DNAH11: variants seen among roughly 807,000 people sequenced by gnomAD.
DNAH11 encodes dynein axonemal heavy chain 11, also known as axonemal beta dynein heavy chain 11.
Under a neutral mutation model 526.0 loss-of-function variants are expected in DNAH11, and 442 were observed. The ratio of observed to expected loss-of-function variants is 0.84; its 90% CI spans 0.78 to 0.91. The LOEUF is 0.91. Ranked by LOEUF, DNAH11 falls within the 40% of genes least tolerant of loss-of-function variation. The pLI, the probability that DNAH11 is intolerant of heterozygous loss-of-function variation, is 0.00. For missense variants in DNAH11, 6,989 were observed against 5,448.7 expected, an observed-to-expected ratio of 1.28 and a Z score of -8.90; for synonymous variants, 2,461 against 1,935.9, an observed-to-expected ratio of 1.27 and a Z score of -7.12.
intron 74 of DNAH11, among the ~76,000 whole-genome samples, chr7:21,876,991 C>T (rs1378504192): frequency 6.6e-6 from 1 of 152,204 alleles, no homozygotes; most frequent in Non-Finnish European, 1.5e-5. Context: ...TGTCCTTTCC[C>T]ACATCTCCTT....
At chr7:21,805,044 G>A (rs576672712) in intron 62 of DNAH11, among the ~76,000 whole-genome samples, 57 of 152,166 alleles carry the variant, frequency 3.7e-4, no homozygotes, top group Admixed American at 6.5e-4. Flanking sequence ...GCCTTTCCCA[G>A]GCAGTCACAT....
At chr7:21,611,708 G>A (rs1480420815) in intron 20 of DNAH11, among the ~76,000 whole-genome samples, 2 of 152,192 alleles carry the variant, frequency 1.3e-5, no homozygotes, top group Non-Finnish European at 2.9e-5. Context: ...ATTAGGCTAA[G>A]AGCATACTTC....
At chr7:21,660,790 T>C (rs530008040) in intron 30 of DNAH11, among the ~76,000 whole-genome samples, 2 of 152,226 alleles carry the variant, frequency 1.3e-5, no homozygotes, top group Admixed American at 6.5e-5. Flanking sequence ...TATGTATCTG[T>C]GTCTATAGAT....
At chr7:21,699,702 T>A (rs1398187575) in intron 36 of DNAH11, among the ~76,000 whole-genome samples, 2 of 152,064 alleles carry the variant, frequency 1.3e-5, no homozygotes, top group African/African-American at 4.8e-5. Context: ...AATCTTTTTT[T>A]AATGAGCCTA....
intron 15 of DNAH11, 49 bp downstream of exon 15, chr7:21,600,168 A>C (rs1427164340): frequency 6.9e-7 from 1 of 1,458,570 alleles, no homozygotes; most frequent in East Asian, 2.3e-5. Flanking sequence ...ATGATTCAAA[A>C]ACAAATTGTG....
At chr7:21,605,634 G>A (rs1294165223) in intron 18 of DNAH11, among the ~76,000 whole-genome samples, 1 of 152,154 alleles carries the variant, frequency 6.6e-6, no homozygotes, top group African/African-American at 2.4e-5. Context: ...AATGTACAGA[G>A]CTTTGGGAGC....
intron 63 of DNAH11, among the ~76,000 whole-genome samples, chr7:21,814,961 A>G (rs1789713199): frequency 6.6e-6 from 1 of 152,220 alleles, no homozygotes; most frequent in African/African-American, 2.4e-5. Flanking sequence ...TGAGTCTCAA[A>G]GTAGTCACTA....
chr7:21,675,600 G>A (rs555390204), intron 30 of DNAH11, among the ~76,000 whole-genome samples: 68 of 152,274 alleles, frequency 4.5e-4, no homozygotes, highest in African/African-American at 1.5e-3. Flanking sequence ...TTGTCATCTT[G>A]TATGAGTGAG....
intron 28 of DNAH11, among the ~76,000 whole-genome samples, chr7:21,650,033 G>A (rs1787555940): frequency 6.6e-6 from 1 of 152,002 alleles, no homozygotes; most frequent in South Asian, 2.1e-4. Context: ...TTATTAAGTT[G>A]TACACACATG....
chr7:21,663,149 A>G (rs912802454), intron 30 of DNAH11, among the ~76,000 whole-genome samples: 1 of 152,130 alleles, frequency 6.6e-6, no homozygotes, highest in Admixed American at 6.6e-5. Flanking sequence ...TACAAAAGAC[A>G]TGATTTTATT....
At position 21,707,690 on chromosome 7, in the gene DNAH11, T is replaced by C. The variant is rs1562500765; in HGVS notation, c.6547-9T>C. 1 of 1,605,800 alleles carries C rather than the reference T, an allele frequency of 6.2e-7. No homozygotes were observed. The highest frequency in any genetic ancestry group is 8.5e-7 in the Non-Finnish European group (1 of 1,177,422). On this transcript the variant is annotated splice_polypyrimidine_tract_variant and intron_variant, in intron 39 of 81. Transcript: ENST00000409508. ...TTAATTTTTTTGGCTCTTTCCTCCT[T>C]CCCCTCAGATTTTGAGAACACTGAA...
intron 68 of DNAH11, among the ~76,000 whole-genome samples, chr7:21,858,713 CGAT>C (rs1583781270): frequency 1.3e-5 from 2 of 151,970 alleles, no homozygotes; most frequent in East Asian, 1.9e-4. Context: ...CTGGGGCTGG[CGAT>C]GGTGGTGGGA....
At chr7:21,813,315 A>AATTAGTT (rs1036484097) in intron 63 of DNAH11, among the ~76,000 whole-genome samples, 1 of 152,150 alleles carries the variant, frequency 6.6e-6, no homozygotes, top group Non-Finnish European at 1.5e-5. Flanking sequence ...TAGTGCCAAT[A>AATTAGTT]ATTAGTTATT....
intron 54 of DNAH11, among the ~76,000 whole-genome samples, chr7:21,753,246 C>T (rs1786489202): frequency 6.6e-6 from 1 of 152,088 alleles, no homozygotes; most frequent in Non-Finnish European, 1.5e-5. Context: ...GGGAAGAGGA[C>T]CTGGAGACTC....
At chr7:21,672,003 C>G (rs1029928911) in intron 30 of DNAH11, among the ~76,000 whole-genome samples, 1 of 152,162 alleles carries the variant, frequency 6.6e-6, no homozygotes, top group African/African-American at 2.4e-5. Context: ...AACTGAGATT[C>G]AACAACCCAT....
intron 28 of DNAH11, among the ~76,000 whole-genome samples, chr7:21,651,497 G>A: frequency 6.6e-6 from 1 of 152,178 alleles, no homozygotes; most frequent in Admixed American, 6.5e-5. Context: ...GGAGTAGCTG[G>A]AATTATAGGC....
At chr7:21,619,806 C>G in intron 24 of DNAH11, 150 bp from the exon 25 acceptor site, 1 of 675,796 alleles carries the variant, frequency 1.5e-6, no homozygotes, top group South Asian at 2.1e-5. Context: ...ACCCCATTAG[C>G]ATGAATTACT....
chr7:21,703,130 G>C (rs559415477), intron 37 of DNAH11, among the ~76,000 whole-genome samples: 71 of 152,216 alleles, frequency 4.7e-4, no homozygotes, highest in African/African-American at 1.7e-3. Flanking sequence ...GATTGAATTG[G>C]GATATTAATC....
chr7:21,722,690 G>A (rs909606270), intron 44 of DNAH11, among the ~76,000 whole-genome samples: 1 of 152,144 alleles, frequency 6.6e-6, no homozygotes, highest in African/African-American at 2.4e-5. Flanking sequence ...CCAATACTGT[G>A]TGAGAGTCAA....
Sources: allele counts gnomAD v4.1 joint callset (sites outside exome capture counted in the v4.1 genomes callset), GRCh38; gene constraint gnomAD v4.1.1; transcripts MANE v1.5; gene names NCBI Gene and HGNC (gene_info 2026-07-23, HGNC 2026-07-21).